NELL1: variants seen among roughly 807,000 people sequenced by gnomAD.
NELL1 encodes neural EGFL like 1, also known as protein kinase C-binding protein NELL1.
A neutral mutation model predicts 107.4 loss-of-function variants in NELL1; 76 were observed. That is an observed-to-expected ratio of 0.71 (90% CI 0.59 to 0.86). The LOEUF (loss-of-function observed/expected upper bound fraction) is 0.86. Ranked by LOEUF, NELL1 falls within the 40% of genes least tolerant of loss-of-function variation. The pLI, the probability that NELL1 is intolerant of heterozygous loss-of-function variation, is 0.00. For synonymous variants in NELL1, 353 were observed against 341.2 expected, an observed-to-expected ratio of 1.03 and a Z score of -0.38; for missense variants, 1,024 against 1,005.5, an observed-to-expected ratio of 1.02 and a Z score of -0.25.
At chr11:20,919,798 T>A (rs1182694850) in intron 7 of NELL1, among the ~76,000 whole-genome samples, 1 of 152,166 alleles carries the variant, frequency 6.6e-6, no homozygotes, top group Non-Finnish European at 1.5e-5. Flanking sequence ...GTATAATTTA[T>A]TTCAAGGCTG....
chr11:20,673,409 T>C (rs1428365425), intron 1 of NELL1, among the ~76,000 whole-genome samples: 1 of 152,224 alleles, frequency 6.6e-6, no homozygotes, highest in Non-Finnish European at 1.5e-5. Context: ...GGAGCATTTT[T>C]TTAGTCTGCA....
rs1347889147 is a variant in NELL1 at position 20,754,780 on chromosome 11, C to T, written c.185-28900C>T. Among the ~76,000 whole-genome samples the T allele has an allele frequency of 5.9e-5, 9 of 152,236 alleles. No individual in the cohort carries two copies. In the East Asian group the frequency reaches 1.4e-3, roughly 23 times the overall value. On this transcript the variant is annotated intron_variant, in intron 2 of 19. Transcript: ENST00000357134. ...ATGTAATGGATATAACACAAACAAT[C>T]GTAACATAAGAATTCAATTTTCAAA...
At chr11:20,847,461 C>G (rs1047402563) in intron 3 of NELL1, 122 bp from the exon 4 acceptor site, 9 of 1,022,302 alleles carry the variant, frequency 8.8e-6, no homozygotes, top group African/African-American at 6.5e-5. Flanking sequence ...GGTCTTGGCT[C>G]TTTGTGCCAT....
intron 13 of NELL1, among the ~76,000 whole-genome samples, chr11:21,118,322 A>G (rs1295479461): frequency 5.9e-5 from 9 of 151,990 alleles, no homozygotes; most frequent in African/African-American, 2.2e-4. Flanking sequence ...AGGAGACAGG[A>G]GGAGAGCCTC....
intron 15 of NELL1, among the ~76,000 whole-genome samples, chr11:21,396,649 A>C (rs987466288): frequency 6.6e-6 from 1 of 151,638 alleles, no homozygotes; most frequent in Admixed American, 6.6e-5. Context: ...CATGATTTAA[A>C]AGTGATAAAC....
At chr11:21,243,873 C>T (rs767135536) in intron 14 of NELL1, among the ~76,000 whole-genome samples, 5 of 152,028 alleles carry the variant, frequency 3.3e-5, no homozygotes, top group Non-Finnish European at 5.9e-5. Flanking sequence ...TAATCTGCAC[C>T]CTTAAGCACA....
intron 5 of NELL1, among the ~76,000 whole-genome samples, chr11:20,914,096 G>A (rs775988995): frequency 6.6e-6 from 1 of 152,064 alleles, no homozygotes; most frequent in Non-Finnish European, 1.5e-5. Context: ...ATATTGTAGT[G>A]ACCCAGCACT....
Position 21,573,300 on chromosome 11 carries a change from A to C in NELL1, c.2273A>C (p.Asn758Thr). ...GTCAGTGACCCCTGCCTAGCTGATA[A>C]CATCACCTATGACATCAGAAAAACT... ...RCVSDPCLADNITYDIRKTCL... is the reference protein window; with the variant it reads ...RCVSDPCLADTITYDIRKTCL... Residue 758 changes from asparagine (N) to threonine (T), a missense_variant, in exon 19 of 20, where the codon AAC becomes ACC. Transcript: ENST00000357134. 6.2e-7 allele frequency: 1 copy of C among 1,612,456 alleles called. No homozygotes were observed. Among genetic ancestry groups the C allele is most frequent in the East Asian group, 2.2e-5 (1 of 44,738 alleles).
At chr11:21,571,267 G>A (rs1263476749) in intron 18 of NELL1, among the ~76,000 whole-genome samples, 2 of 151,854 alleles carry the variant, frequency 1.3e-5, no homozygotes, top group Admixed American at 1.3e-4. Context: ...TCCTGACAGA[G>A]CTAAATCTCT....
intron 12 of NELL1, among the ~76,000 whole-genome samples, chr11:20,986,980 T>A (rs10741863): frequency 0.37 from 56,373 of 152,032 alleles, 11,428 homozygotes; most frequent in East Asian, 0.6. Flanking sequence ...TGAAGAATTA[T>A]ATATTTTAAA....
At chr11:21,237,915 C>T (rs975442205) in intron 14 of NELL1, among the ~76,000 whole-genome samples, 1 of 151,994 alleles carries the variant, frequency 6.6e-6, no homozygotes, top group African/African-American at 2.4e-5. Context: ...CCAAATATAA[C>T]AGCTTTAAAT....
chr11:20,791,349 A>T (rs1298828905), intron 3 of NELL1, among the ~76,000 whole-genome samples: 1 of 151,996 alleles, frequency 6.6e-6, no homozygotes, highest in African/African-American at 2.4e-5. Context: ...ACATGGAATA[A>T]TTTTCTTAAT....
intron 14 of NELL1, among the ~76,000 whole-genome samples, chr11:21,361,363 T>A (rs1274951526): frequency 6.6e-6 from 1 of 151,442 alleles, no homozygotes; most frequent in African/African-American, 2.4e-5. Context: ...GCTATTAATC[T>A]GATAGATTTT....
intron 3 of NELL1, among the ~76,000 whole-genome samples, chr11:20,792,976 C>CT (rs1857104144): frequency 6.6e-6 from 1 of 151,762 alleles, no homozygotes; most frequent in East Asian, 1.9e-4. Flanking sequence ...TACATTGTAT[C>CT]TTTTCTACAA....
chr11:21,236,369 C>A (rs1858207333), intron 14 of NELL1, among the ~76,000 whole-genome samples: 1 of 152,090 alleles, frequency 6.6e-6, no homozygotes, highest in African/African-American at 2.4e-5. Context: ...TGATTTAATG[C>A]AAATCAACCT....
At chr11:21,249,826 A>C (rs1381539816) in intron 14 of NELL1, among the ~76,000 whole-genome samples, 1 of 152,184 alleles carries the variant, frequency 6.6e-6, no homozygotes, top group African/African-American at 2.4e-5. Flanking sequence ...TTAAAAGGTA[A>C]CTGTCAGTTA....
intron 3 of NELL1, among the ~76,000 whole-genome samples, chr11:20,845,145 G>T (rs749988261): frequency 1.5e-4 from 23 of 152,136 alleles, no homozygotes; most frequent in Non-Finnish European, 2.4e-4. Context: ...CATCCAAGTT[G>T]CATGAGATGC....
At chr11:20,977,915 T>C (rs1564996986) in intron 12 of NELL1, among the ~76,000 whole-genome samples, 1 of 152,230 alleles carries the variant, frequency 6.6e-6, no homozygotes, top group African/African-American at 2.4e-5. Flanking sequence ...TTATTCTCAT[T>C]CTACATGTGA....
At chr11:20,962,849 T>G (rs545852330) in intron 12 of NELL1, among the ~76,000 whole-genome samples, 6 of 152,164 alleles carry the variant, frequency 3.9e-5, no homozygotes, top group Non-Finnish European at 8.8e-5. Flanking sequence ...TATGGAGACT[T>G]TCCATAAGCT....
Sources: allele counts gnomAD v4.1 joint callset (sites outside exome capture counted in the v4.1 genomes callset), GRCh38; gene constraint gnomAD v4.1.1; transcripts MANE v1.5; gene names NCBI Gene and HGNC (gene_info 2026-07-23, HGNC 2026-07-21).